PCLO: variants seen among roughly 807,000 people sequenced by gnomAD.
The protein encoded by PCLO is protein piccolo.
Under a neutral mutation model 427.5 loss-of-function variants are expected in PCLO, and 82 were observed. The observed-to-expected ratio is 0.19, with a 90% CI of 0.16 to 0.23. PCLO has a LOEUF of 0.23. PCLO is among the 10% of genes least tolerant of loss of function. The pLI, the probability that PCLO is intolerant of heterozygous loss-of-function variation, is 1.00. For synonymous variants in PCLO, 2,357 were observed against 2,155.4 expected (o/e 1.09, Z -2.59); for missense variants, 6,239 against 6,115.9 (o/e 1.02, Z -0.67).
At chr7:83,157,859 T>C (rs1296491284) in intron 1 of PCLO, among the ~76,000 whole-genome samples, 1 of 152,010 alleles carries the variant, frequency 6.6e-6, no homozygotes, top group Non-Finnish European at 1.5e-5. Flanking sequence ...TAAAATATAA[T>C]ATCAGAATAA....
chr7:82,798,008 C>A (rs7806071), intron 22 of PCLO, among the ~76,000 whole-genome samples: 54,768 of 151,890 alleles, frequency 0.36, 10,463 homozygotes, highest in African/African-American at 0.46. Flanking sequence ...TTGTAACTCC[C>A]TAAAACATTA....
intron 20 of PCLO, chr7:82,821,694 G>C (rs1033163769): frequency 5.3e-5 from 52 of 979,836 alleles, no homozygotes; most frequent in Non-Finnish European, 6.1e-5. Flanking sequence ...ACCAGACATA[G>C]TATATCTTGA....
chr7:82,797,146 C>G (rs947801195), intron 22 of PCLO, among the ~76,000 whole-genome samples: 1 of 151,900 alleles, frequency 6.6e-6, no homozygotes, highest in African/African-American at 2.4e-5. Flanking sequence ...AACTGAATTT[C>G]CATTCTTACT....
rs1394602606 is a variant in PCLO at position 83,155,215 on chromosome 7, G to A, written c.1426C>T (p.Pro476Ser). The change falls in exon 2 of 25, where the codon CCA becomes TCA. Residue 476 changes from proline (P) to serine (S), a missense_variant. Around this residue, in one of 5 missense-constraint regions of PCLO, gnomAD observed 4,677 missense variants for 4,468.4 expected, o/e 1.05. Transcript: ENST00000333891. ...GGCTGTTGAGGTGGGGGCTTTGCTG[G>A]GCCAGGCAGTTGTGAAGGAGGCTTT... ...PTKPPSQLPG[P>S]AKPPPQQPGP... 1 of 1,613,364 alleles carries A rather than the reference G, an allele frequency of 6.2e-7. No homozygotes were observed. The highest frequency in any genetic ancestry group is 8.5e-7 in the Non-Finnish European group (1 of 1,179,778).
intron 9 of PCLO, among the ~76,000 whole-genome samples, chr7:82,886,898 T>G (rs1195037421): frequency 6.6e-6 from 1 of 152,220 alleles, no homozygotes; most frequent in Non-Finnish European, 1.5e-5. Context: ...TTATATAGGA[T>G]GTATTGATCT....
At chr7:82,970,995 A>T (rs1010819645) in intron 3 of PCLO, among the ~76,000 whole-genome samples, 3 of 151,724 alleles carry the variant, frequency 2.0e-5, no homozygotes, top group African/African-American at 7.2e-5. Flanking sequence ...GTAGGTCACA[A>T]TTTTTTTTCA....
At chr7:83,013,590 CTAAA>C (rs1189879621) in intron 3 of PCLO, among the ~76,000 whole-genome samples, 2 of 152,142 alleles carry the variant, frequency 1.3e-5, no homozygotes, top group African/African-American at 4.8e-5. Context: ...AGATGCCAAT[CTAAA>C]TAAGGCACAT....
chr7:82,921,195 C>A (rs147656702), intron 6 of PCLO, among the ~76,000 whole-genome samples: 3 of 151,772 alleles, frequency 2.0e-5, no homozygotes, highest in African/African-American at 4.8e-5. Flanking sequence ...AAACTACCAA[C>A]AACATTTTTC....
At chr7:83,021,586 C>G (rs1367712052) in intron 3 of PCLO, among the ~76,000 whole-genome samples, 2 of 152,168 alleles carry the variant, frequency 1.3e-5, no homozygotes, top group African/African-American at 2.4e-5. Context: ...CTCCTTCCCT[C>G]TTCCTTTCTT....
At chr7:82,978,861 C>CACAA (rs947702739) in intron 3 of PCLO, among the ~76,000 whole-genome samples, 3 of 39,750 alleles carry the variant, frequency 7.5e-5, no homozygotes, top group African/African-American at 2.5e-4. Flanking sequence ...CACACAAACA[C>CACAA]ACACACACAC....
intron 13 of PCLO, among the ~76,000 whole-genome samples, chr7:82,844,567 T>G (rs2115800990): frequency 6.6e-6 from 1 of 152,308 alleles, no homozygotes; most frequent in East Asian, 1.9e-4. Context: ...GACAAACCTT[T>G]ATTCATTTTT....
intron 22 of PCLO, among the ~76,000 whole-genome samples, chr7:82,764,711 T>C (rs1011686434): frequency 6.6e-6 from 1 of 151,898 alleles, no homozygotes. Flanking sequence ...AAAGACACTG[T>C]ATGAAACTAG....
At chr7:82,780,997 G>C (rs1790860565) in intron 22 of PCLO, among the ~76,000 whole-genome samples, 1 of 152,028 alleles carries the variant, frequency 6.6e-6, no homozygotes, top group African/African-American at 2.4e-5. Context: ...GTTCCTCATA[G>C]TGGATTTGTA....
chr7:83,162,281 T>C, intron 1 of PCLO, 64 bp downstream of exon 1: 1 of 1,495,748 alleles, frequency 6.7e-7, no homozygotes, highest in Admixed American at 2.0e-5. Context: ...ACATACAGGC[T>C]GGCACATATG....
intron 10 of PCLO, among the ~76,000 whole-genome samples, chr7:82,864,301 T>G (rs1331390238): frequency 6.6e-6 from 1 of 152,088 alleles, no homozygotes; most frequent in African/African-American, 2.4e-5. Flanking sequence ...ATCAATTAGT[T>G]ATAATTTCTG....
intron 10 of PCLO, among the ~76,000 whole-genome samples, chr7:82,864,793 G>C (rs1275871110): frequency 6.6e-6 from 1 of 151,976 alleles, no homozygotes; most frequent in Non-Finnish European, 1.5e-5. Flanking sequence ...CTGGAAGCCC[G>C]GAGAATGGTT....
chr7:82,822,352 C>T (rs917143412), intron 20 of PCLO, 143 bp downstream of exon 20: 24 of 1,513,004 alleles, frequency 1.6e-5, no homozygotes, highest in African/African-American at 1.3e-4. Flanking sequence ...GTATTTATAT[C>T]GTTCTTACAC....
At chr7:82,844,124 G>A (rs772480260) in intron 13 of PCLO, among the ~76,000 whole-genome samples, 15 of 152,022 alleles carry the variant, frequency 9.9e-5, no homozygotes, top group Non-Finnish European at 2.1e-4. Flanking sequence ...TGTTCAAATT[G>A]TATTTTTATA....
At position 82,770,058 on chromosome 7, in the gene PCLO, T is replaced by C. The variant is rs576862793; in HGVS notation, c.15008-8565A>G. Among the ~76,000 whole-genome samples, 4 of 152,252 alleles carry C rather than the reference T, an allele frequency of 2.6e-5. No homozygotes were observed. In the South Asian group the frequency reaches 6.2e-4, roughly 24 times the overall value. On this transcript the variant is annotated intron_variant, in intron 22 of 24. Coordinates refer to ENST00000333891, the MANE Select transcript of PCLO (RefSeq NM_033026.6). ...GCTGTTAATAGCCAAAGTAGTGATGTATATTCCCACAAGTGTAATTTGATT... is the reference window on the plus strand; with the variant it reads ...GCTGTTAATAGCCAAAGTAGTGATGCATATTCCCACAAGTGTAATTTGATT...
Sources: allele counts gnomAD v4.1 joint callset (sites outside exome capture counted in the v4.1 genomes callset), GRCh38; gene constraint gnomAD v4.1.1; regional missense constraint gnomAD v4.1.1; transcripts MANE v1.5; gene names NCBI Gene and HGNC (gene_info 2026-07-23, HGNC 2026-07-21).